The following CACNA2D2 variants were observed in gnomAD, a reference collection of about 807,000 sequenced individuals.
CACNA2D2 encodes voltage-dependent calcium channel subunit alpha-2/delta-2.
CACNA2D2 carries 48 observed loss-of-function variants against 166.4 expected under a neutral mutation model. That is an observed-to-expected ratio of 0.29 (90% CI 0.23 to 0.37). The LOEUF (loss-of-function observed/expected upper bound fraction) is 0.37, where lower values mean the gene tolerates loss of function less well. Among genes scored for constraint, CACNA2D2 ranks in the 10% least tolerant of loss-of-function variants. The pLI is 1.00. For synonymous variants in CACNA2D2, 561 were observed against 573.7 expected (o/e 0.98, Z 0.32); for missense variants, 1,122 against 1,433.0 (o/e 0.78, Z 3.50).
chr3:50,371,997 G>A (rs1002441344), intron 22 of CACNA2D2, among the ~76,000 whole-genome samples: 3 of 151,772 alleles, frequency 2.0e-5, no homozygotes, highest in African/African-American at 7.3e-5. Flanking sequence ...AGGCTGGACA[G>A]GGCCCCTAGG....
intron 3 of CACNA2D2, among the ~76,000 whole-genome samples, chr3:50,400,563 A>G (rs1421737054): frequency 6.6e-6 from 1 of 152,132 alleles, no homozygotes; most frequent in Non-Finnish European, 1.5e-5. Flanking sequence ...CCGACCCCAC[A>G]TTTTGCTGGG....
At chr3:50,433,626 ACCTTC>A (rs1318610610) in intron 3 of CACNA2D2, among the ~76,000 whole-genome samples, 2 of 151,830 alleles carry the variant, frequency 1.3e-5, no homozygotes, top group Admixed American at 6.6e-5. Context: ...TTTACGTATG[ACCTTC>A]CCTGGTCACT....
At chr3:50,474,329 G>A (rs1710220094) in intron 2 of CACNA2D2, among the ~76,000 whole-genome samples, 1 of 152,218 alleles carries the variant, frequency 6.6e-6, no homozygotes, top group South Asian at 2.1e-4. Flanking sequence ...GGGCGTATCT[G>A]TATCAGCCTG....
At chr3:50,434,995 C>T (rs142350577) in intron 2 of CACNA2D2, among the ~76,000 whole-genome samples, 2 of 152,342 alleles carry the variant, frequency 1.3e-5, no homozygotes, top group Non-Finnish European at 2.9e-5. Flanking sequence ...ATCCCACGGG[C>T]TCCTCTGTCA....
intron 1 of CACNA2D2, among the ~76,000 whole-genome samples, chr3:50,477,325 T>C (rs1697829987): frequency 6.6e-6 from 1 of 152,132 alleles, no homozygotes; most frequent in Non-Finnish European, 1.5e-5. Flanking sequence ...TAAGAACACA[T>C]GAGAATAGGT....
chr3:50,424,813 T>C (rs1707731009), intron 3 of CACNA2D2, among the ~76,000 whole-genome samples: 1 of 151,958 alleles, frequency 6.6e-6, no homozygotes, highest in South Asian at 2.1e-4. Flanking sequence ...AAACCTCAGG[T>C]GCCCCTGCCC....
At chr3:50,372,371 C>T (rs587659827) in intron 22 of CACNA2D2, among the ~76,000 whole-genome samples, 1 of 152,332 alleles carries the variant, frequency 6.6e-6, no homozygotes, top group African/African-American at 2.4e-5. Context: ...GCCAAGCCAC[C>T]CCGGGGCTCA....
chr3:50,389,156 TGGGGCG>T (rs1559901507), intron 4 of CACNA2D2, among the ~76,000 whole-genome samples: 1 of 152,158 alleles, frequency 6.6e-6, no homozygotes, highest in African/African-American at 2.4e-5. Context: ...CCGGTGGGCC[TGGGGCG>T]GGGGCGGAGG....
chr3:50,367,504 C>A lies in CACNA2D2; in HGVS notation c.2298-7G>T. The A allele has an allele frequency of 6.2e-7, 1 of 1,613,506 alleles. No individual in the cohort carries two copies. The highest frequency in any genetic ancestry group is 8.5e-7 in the Non-Finnish European group (1 of 1,179,626). ...TGTCCAGTCCTCAGCTGCCCTGGAG[C>A]ACCCAAGAGGCAGACTGGTAGGTAA... On this transcript the variant is annotated splice_polypyrimidine_tract_variant and splice_region_variant and intron_variant, in intron 26 of 37. Transcript: ENST00000424201. This position sits in a 1 kb window ranked among gnomAD's most constrained non-coding sequence, Gnocchi z 6.5.
intron 2 of CACNA2D2, among the ~76,000 whole-genome samples, chr3:50,454,594 T>C (rs1709265191): frequency 6.6e-6 from 1 of 152,256 alleles, no homozygotes; most frequent in Non-Finnish European, 1.5e-5. Context: ...GCCTTGCCTT[T>C]GTCCCAGAAT....
intron 2 of CACNA2D2, among the ~76,000 whole-genome samples, chr3:50,443,643 C>T (rs947132340): frequency 1.3e-5 from 2 of 152,352 alleles, no homozygotes; most frequent in Non-Finnish European, 2.9e-5. Flanking sequence ...ACCCTACCCC[C>T]GCAGCAGGAC....
rs1312447719 is a variant in CACNA2D2 at position 50,365,779 on chromosome 3, C to T, written c.2915+31G>A. 6.2e-7 allele frequency: 1 copy of T among 1,613,274 alleles called. No homozygotes were observed. Among genetic ancestry groups the T allele is most frequent in the Non-Finnish European group, 8.5e-7 (1 of 1,179,896 alleles). On this transcript the variant is annotated intron_variant, in intron 33 of 37. Transcript: ENST00000424201. The surrounding 1 kb of genome is among the most constrained non-coding windows in gnomAD (Gnocchi z 4.5). Reference sequence around the variant, plus strand: ...CTGAGCCCTCCCGGCCAGGGAGCACCTTCTCTACCCACCTCCCGCTCAGGA... The same window carrying T: ...CTGAGCCCTCCCGGCCAGGGAGCACTTTCTCTACCCACCTCCCGCTCAGGA...
chr3:50,400,545 G>A (rs778782651), intron 3 of CACNA2D2, among the ~76,000 whole-genome samples: 5 of 152,252 alleles, frequency 3.3e-5, no homozygotes, highest in Non-Finnish European at 5.9e-5. Flanking sequence ...CTGAGGGCAT[G>A]TCTTGCCCCG....
At chr3:50,386,221 T>A (rs1393891522) in intron 5 of CACNA2D2, among the ~76,000 whole-genome samples, 3 of 151,588 alleles carry the variant, frequency 2.0e-5, no homozygotes, top group Non-Finnish European at 4.4e-5. Flanking sequence ...GGGCAAGGAG[T>A]CAATGATTTA....
rs1037048706 is a variant in CACNA2D2, at chr3:50,384,262, T to C, written c.586A>G (p.Asn196Asp). The change falls in exon 6 of 38, where the codon AAC (asparagine) becomes GAC (aspartate). Residue 196 changes from asparagine (N) to aspartate (D), a missense_variant. By Grantham distance (23) the Asn-to-Asp change is conservative (BLOSUM62 1). Around this residue, in one of 2 missense-constraint regions of CACNA2D2, gnomAD observed 840 missense variants for 1,166.8 expected, o/e 0.72. Transcript: ENST00000424201. ...TLRLDFIEDP[N>D]FKNKVNYSYA... is the part of the protein sequence containing the mutation. ...GAATAGTTGACCTTGTTCTTGAAGT[T>C]TGGGTCCTCGATGAAGTCCAGCCTT... is the stretch of plus-strand genomic sequence containing the variant. The C allele has an allele frequency of 1.8e-5, 29 of 1,614,080 alleles. No individual in the cohort carries two copies. The highest frequency in any genetic ancestry group is 2.3e-5 in the Non-Finnish European group (27 of 1,180,028).
rs775526117 is a variant in CACNA2D2 at position 50,364,937 on chromosome 3, C to G, written c.3242G>C (p.Arg1081Thr). 10 of 1,613,294 alleles carry G rather than the reference C, an allele frequency of 6.2e-6. No individual in the cohort carries two copies. The Admixed American group carries it at 1.7e-4, about 27-fold the overall frequency. The change falls in exon 37 of 38, where the codon AGA becomes ACA. Residue 1081 changes from arginine (R) to threonine (T), a missense_variant. Around this residue, in one of 2 missense-constraint regions of CACNA2D2, gnomAD observed 282 missense variants for 266.2 expected, o/e 1.06. Transcript: ENST00000424201. ...DGPEQCELVQ[R>T]PRYRRGPHIC... is the part of the protein sequence containing the mutation. ...GTGCGGGCCTCTCCGGTATCGCGGT[C>G]TCTGCACTAGCTCACACTGCTCCGG... is the stretch of plus-strand genomic sequence containing the variant.
intron 1 of CACNA2D2, among the ~76,000 whole-genome samples, chr3:50,488,368 T>TTTCATTCA (rs1158416719): frequency 3.9e-4 from 60 of 152,152 alleles, no homozygotes; most frequent in Non-Finnish European, 6.6e-4. Context: ...CAGGAGCTGA[T>TTTCATTCA]TTCATTCATT....
At chr3:50,501,061 TG>T (rs1241973061) in intron 1 of CACNA2D2, among the ~76,000 whole-genome samples, 1 of 152,122 alleles carries the variant, frequency 6.6e-6, no homozygotes, top group African/African-American at 2.4e-5. Context: ...CTCTCCTCCT[TG>T]GAAATCCACC....
Position 50,365,232 on chromosome 3 carries a change from C to T in CACNA2D2, c.3099-48G>A. ...GGGCGTTGAGTTTGCCCCGCCCTGACCCACCCCCATCCTGCGGCCCCGCCC... is the reference window on the plus strand; with the variant it reads ...GGGCGTTGAGTTTGCCCCGCCCTGATCCACCCCCATCCTGCGGCCCCGCCC... On this transcript the variant is annotated intron_variant, in intron 35 of 37. Coordinates refer to ENST00000424201, the MANE Select transcript of CACNA2D2 (RefSeq NM_006030.4). This position sits in a 1 kb window ranked among gnomAD's most constrained non-coding sequence, Gnocchi z 4.5. The T allele has an allele frequency of 9.2e-7, 1 of 1,088,752 alleles. No individual in the cohort carries two copies. The highest frequency in any genetic ancestry group is 1.3e-6 in the Non-Finnish European group (1 of 761,074). 67.4% of individuals were successfully genotyped at this position (1,088,752 alleles called of 1,614,324 possible).
Sources: allele counts gnomAD v4.1 joint callset (sites outside exome capture counted in the v4.1 genomes callset), GRCh38; gene constraint gnomAD v4.1.1; regional missense constraint gnomAD v4.1.1; non-coding constraint Gnocchi (gnomAD v3.1); transcripts MANE v1.5; gene names NCBI Gene and HGNC (gene_info 2026-07-23, HGNC 2026-07-21).